The following SV2B variants were observed in gnomAD, a reference collection of about 807,000 sequenced individuals.
SV2B encodes solute carrier family 22 member B2.
In SV2B, 41 loss-of-function variants were observed where a neutral mutation model predicts 73.9. That is an observed-to-expected ratio of 0.56 (90% CI 0.43 to 0.72). The LOEUF is 0.72. SV2B is among the 30% of genes least tolerant of loss of function. The pLI, the probability that SV2B is intolerant of heterozygous loss-of-function variation, is 0.00. For missense variants in SV2B, 764 were observed against 857.8 expected (o/e 0.89, Z 1.37); for synonymous variants, 314 against 314.2 (o/e 1.00, Z 0.01).
intron 1 of SV2B, among the ~76,000 whole-genome samples, chr15:91,167,682 A>G (rs2043963613): frequency 6.6e-6 from 1 of 152,168 alleles, no homozygotes; most frequent in African/African-American, 2.4e-5. Context: ...TCTTAACTTC[A>G]TTACATTTGC....
intron 1 of SV2B, among the ~76,000 whole-genome samples, chr15:91,153,516 C>G (rs995689285): frequency 6.6e-6 from 1 of 152,072 alleles, no homozygotes; most frequent in Admixed American, 6.6e-5. Flanking sequence ...TTGTTATTAC[C>G]TCGTATGATT....
chr15:91,174,463 G>T (rs561254886), intron 1 of SV2B, among the ~76,000 whole-genome samples: 32 of 144,298 alleles, frequency 2.2e-4, no homozygotes, highest in Admixed American at 2.1e-3. Flanking sequence ...TGAATGCTGT[G>T]TTATCCTTTG....
At chr15:91,152,047 T>G (rs1309369354) in intron 1 of SV2B, among the ~76,000 whole-genome samples, 1 of 150,998 alleles carries the variant, frequency 6.6e-6, no homozygotes. Context: ...ATGTTTATTT[T>G]GTCAATCTGA....
chr15:91,182,383 G>T (rs1301122306), intron 1 of SV2B, among the ~76,000 whole-genome samples: 3 of 152,184 alleles, frequency 2.0e-5, no homozygotes, highest in Non-Finnish European at 2.9e-5. Context: ...TTTGTTGAAT[G>T]CACGCATGCA....
Position 91,301,713 on chromosome 15 carries a change from C to A in SV2B, c.*9161C>A, listed in dbSNP as rs940813395. ...ATTCCTTATCCCAAATGTTTGGGACCAGAAGTGTTCTGGATTTCCGGTTTT... is the reference window on the plus strand; with the variant it reads ...ATTCCTTATCCCAAATGTTTGGGACAAGAAGTGTTCTGGATTTCCGGTTTT... On this transcript the variant is annotated 3_prime_UTR_variant, in exon 13 of 13. Coordinates refer to ENST00000394232, the MANE Select transcript of SV2B (RefSeq NM_001323032.3). The surrounding 1 kb of genome is among the most constrained non-coding windows in gnomAD (Gnocchi z 4.3). Among the ~76,000 whole-genome samples, 3 of 152,132 alleles carry A rather than the reference C, an allele frequency of 2.0e-5. No individual in the cohort carries two copies. Among genetic ancestry groups the A allele is most frequent in the Non-Finnish European group, 2.9e-5 (2 of 68,020 alleles).
At chr15:91,111,744 C>G (rs2151729016) in intron 1 of SV2B, among the ~76,000 whole-genome samples, 1 of 152,230 alleles carries the variant, frequency 6.6e-6, no homozygotes, top group South Asian at 2.1e-4. Context: ...TTTTAATTGG[C>G]TCATGGTTCT....
At chr15:91,173,025 A>C (rs573559846) in intron 1 of SV2B, among the ~76,000 whole-genome samples, 1 of 152,138 alleles carries the variant, frequency 6.6e-6, no homozygotes, top group Non-Finnish European at 1.5e-5. Context: ...TGAAAGATAC[A>C]AAGAGGAGAC....
chr15:91,198,134 A>G (rs2141374448), intron 1 of SV2B, among the ~76,000 whole-genome samples: 1 of 152,354 alleles, frequency 6.6e-6, no homozygotes, highest in East Asian at 1.9e-4. Context: ...GAAAGGAGCC[A>G]GATGAAAAAG....
Position 91,289,485 on chromosome 15 carries a change from C to G in SV2B, c.1709-36C>G, listed in dbSNP as rs2048969061. On this transcript the variant is annotated intron_variant, in intron 11 of 12. Coordinates refer to ENST00000394232, the MANE Select transcript of SV2B (RefSeq NM_001323032.3). This position sits in a 1 kb window ranked among gnomAD's most constrained non-coding sequence, Gnocchi z 4.9. ...TGACAGCCATGTGCAAGACACAGGC[C>G]TCATGTTTCTTTTTGCCCTTGAACT... 6.2e-7 allele frequency: 1 copy of G among 1,613,636 alleles called. No homozygotes were observed. Among genetic ancestry groups the G allele is most frequent in the African/African-American group, 1.3e-5 (1 of 74,930 alleles).
intron 1 of SV2B, among the ~76,000 whole-genome samples, chr15:91,157,418 G>A (rs1216811787): frequency 6.6e-6 from 1 of 152,074 alleles, no homozygotes; most frequent in African/African-American, 2.4e-5. Flanking sequence ...CCCCACAAGA[G>A]GAAATGTTAA....
Position 91,265,768 on chromosome 15 carries a change from A to G in SV2B, c.1009-814A>G, listed in dbSNP as rs938056916. ...GTGGCCAGATGAGTCCAGGAGGCTC[A>G]CAGTGTGGTCATGTCCTTGACATTT... On this transcript the variant is annotated intron_variant, in intron 6 of 12. Transcript: ENST00000394232. The surrounding 1 kb of genome is among the most constrained non-coding windows in gnomAD (Gnocchi z 4.2). Among the ~76,000 whole-genome samples, 7 of 152,348 alleles carry G rather than the reference A, an allele frequency of 4.6e-5. No individual in the cohort carries two copies. Among genetic ancestry groups the G allele is most frequent in the Admixed American group, 6.5e-5 (1 of 15,306 alleles).
At chr15:91,255,915 G>A (rs968324723) in intron 4 of SV2B, among the ~76,000 whole-genome samples, 1 of 152,204 alleles carries the variant, frequency 6.6e-6, no homozygotes, top group Non-Finnish European at 1.5e-5. Flanking sequence ...TCTAACAAAT[G>A]CAAGTGTAGC....
chr15:91,261,758 C>T lies in SV2B; in HGVS notation c.1008+1349C>T, dbSNP rs1441053701. Among the ~76,000 whole-genome samples the T allele has an allele frequency of 6.6e-6, 1 of 152,136 alleles. No individual in the cohort carries two copies. The highest frequency in any genetic ancestry group is 1.5e-5 in the Non-Finnish European group (1 of 68,020). Reference sequence around the variant, plus strand: ...TATTAGTCTGAATTTTGTTTCTTGCCAGTTTTAAAAGCAGACAAAACAAAC... The same window carrying T: ...TATTAGTCTGAATTTTGTTTCTTGCTAGTTTTAAAAGCAGACAAAACAAAC... On this transcript the variant is annotated intron_variant, in intron 6 of 12. Coordinates refer to ENST00000394232, the MANE Select transcript of SV2B (RefSeq NM_001323032.3). This position sits in a 1 kb window ranked among gnomAD's most constrained non-coding sequence, Gnocchi z 4.7.
chr15:91,268,304 A>G lies in SV2B; in HGVS notation c.1209-137A>G. 1 of 875,632 alleles carries G rather than the reference A, an allele frequency of 1.1e-6. No individual in the cohort carries two copies. Among genetic ancestry groups the G allele is most frequent in the Non-Finnish European group, 1.7e-6 (1 of 589,842 alleles). 54.2% of individuals were successfully genotyped at this position (875,632 alleles called of 1,614,324 possible). A position where few individuals can be genotyped will look rare whatever the true frequency, so the allele number is the denominator to read the frequency against. ...TGTATTTATTAATATGAGGATTTATATTGTCAGATTTTCTAATAATGAACC... is the reference window on the plus strand; with the variant it reads ...TGTATTTATTAATATGAGGATTTATGTTGTCAGATTTTCTAATAATGAACC... On this transcript the variant is annotated intron_variant, in intron 8 of 12. Transcript: ENST00000394232. The surrounding 1 kb of genome is among the most constrained non-coding windows in gnomAD (Gnocchi z 4.4).
intron 1 of SV2B, among the ~76,000 whole-genome samples, chr15:91,201,002 A>G (rs1443596519): frequency 1.3e-5 from 2 of 152,232 alleles, no homozygotes; most frequent in Admixed American, 1.3e-4. Context: ...GAAAGGATTA[A>G]TACATGTGTC....
intron 1 of SV2B, among the ~76,000 whole-genome samples, chr15:91,185,814 A>G (rs1173245276): frequency 6.6e-6 from 1 of 152,196 alleles, no homozygotes; most frequent in Non-Finnish European, 1.5e-5. Context: ...AAAGCACAGG[A>G]GAGTTCAGTA....
chr15:91,247,465 A>G (rs985140970), intron 2 of SV2B, among the ~76,000 whole-genome samples: 2 of 152,222 alleles, frequency 1.3e-5, no homozygotes, highest in African/African-American at 4.8e-5. Flanking sequence ...GAAAAGTTTC[A>G]CTGAGGTAGC....
rs184973252 is a variant in SV2B, at chr15:91,118,225, G to T, written c.-392+17862G>T. On this transcript the variant is annotated intron_variant, in intron 1 of 12. Transcript: ENST00000394232. This position sits in a 1 kb window ranked among gnomAD's most constrained non-coding sequence, Gnocchi z 4.7. ...ACAGGGTACCTTGCACCCTAGCTGGGTGTTTGCTGATCCATGGTTCTGGTG... is the reference window on the plus strand; with the variant it reads ...ACAGGGTACCTTGCACCCTAGCTGGTTGTTTGCTGATCCATGGTTCTGGTG... Among the ~76,000 whole-genome samples, 22 of 152,264 alleles carry T rather than the reference G, an allele frequency of 1.4e-4. 1 individual carries two copies. Among genetic ancestry groups the T allele is most frequent in the African/African-American group, 5.1e-4 (21 of 41,548 alleles).
Position 91,197,435 on chromosome 15 carries a change from G to T in SV2B, c.-391-28438G>T, listed in dbSNP as rs2045289090. Among the ~76,000 whole-genome samples, 1 of 151,528 alleles carries T rather than the reference G, an allele frequency of 6.6e-6. No homozygotes were observed. Among genetic ancestry groups the T allele is most frequent in the Non-Finnish European group, 1.5e-5 (1 of 67,878 alleles). ...GATGGGGTTTCTCCATGTTGGTCAGGCTGGTCTCAAACTCCCGACTTCAGG... is the reference window on the plus strand; with the variant it reads ...GATGGGGTTTCTCCATGTTGGTCAGTCTGGTCTCAAACTCCCGACTTCAGG... On this transcript the variant is annotated intron_variant, in intron 1 of 12. Coordinates refer to ENST00000394232, the MANE Select transcript of SV2B (RefSeq NM_001323032.3). This position sits in a 1 kb window ranked among gnomAD's most constrained non-coding sequence, Gnocchi z 4.9.
Sources: gnomAD v4.1 joint callset for allele counts (sites outside exome capture counted in the v4.1 genomes callset) on GRCh38, gnomAD v4.1.1 for gene constraint, Gnocchi (gnomAD v3.1) non-coding constraint, MANE v1.5 for transcripts, NCBI Gene and HGNC (gene_info 2026-07-23, HGNC 2026-07-21) for gene names.